Variants in SCARB1 observed in about 807,000 individuals in gnomAD.
The protein encoded by SCARB1 is CD36 and LIMPII analogous 1.
A neutral mutation model predicts 57.2 loss-of-function variants in SCARB1; 30 were observed. The ratio of observed to expected loss-of-function variants is 0.52; its 90% CI spans 0.39 to 0.71. The LOEUF is 0.71. Ranked by LOEUF, SCARB1 falls within the 30% of genes least tolerant of loss-of-function variation. SCARB1 has a pLI of 0.00. For missense variants in SCARB1, 543 were observed against 671.2 expected, an observed-to-expected ratio of 0.81 and a Z score of 2.11; for synonymous variants, 249 against 268.3, an observed-to-expected ratio of 0.93 and a Z score of 0.70.
chr12:124,788,257 G>T (rs1455226742), intron 9 of SCARB1, among the ~76,000 whole-genome samples: 1 of 152,156 alleles, frequency 6.6e-6, no homozygotes, highest in Non-Finnish European at 1.5e-5. Flanking sequence ...CTCCTACAGG[G>T]CAGAGACCAC....
Position 124,810,254 on chromosome 12 carries a change from G to A in SCARB1, c.762C>T (p.Ile254=). The part of the protein sequence containing the change: ...DFWHSDQCNM[I]NGTSGQMWPP... ...GCCACATTTGCCCAGAAGTTCCATTGATCATGTTGCACTGATCGGAATGCC... is the reference window on the plus strand; with the variant it reads ...GCCACATTTGCCCAGAAGTTCCATTAATCATGTTGCACTGATCGGAATGCC... The change falls in exon 6 of 13, where the codon ATC becomes ATT. Residue 254 remains isoleucine (I), a synonymous_variant. Transcript: ENST00000261693. This position sits in a 1 kb window ranked among gnomAD's most constrained non-coding sequence, Gnocchi z 4.0. 1 of 1,614,060 alleles carries A rather than the reference G, an allele frequency of 6.2e-7. No individual in the cohort carries two copies. Among genetic ancestry groups the A allele is most frequent in the Non-Finnish European group, 8.5e-7 (1 of 1,179,942 alleles).
At position 124,812,354 on chromosome 12, in the gene SCARB1, G is replaced by A. The variant is rs151061486; in HGVS notation, c.631-389C>T. ...GGGATGCTTTAAGGACTGTGCACAC[G>A]CCTTTCACCGGGCTCTCTGCCGCTG... is the stretch of plus-strand genomic sequence containing the variant. On this transcript the variant is annotated intron_variant, in intron 4 of 12. Coordinates refer to ENST00000261693, the MANE Select transcript of SCARB1 (RefSeq NM_005505.5). The surrounding 1 kb of genome is among the most constrained non-coding windows in gnomAD (Gnocchi z 4.3). Among the ~76,000 whole-genome samples the A allele has an allele frequency of 2.2e-4, 34 of 152,320 alleles. No individual in the cohort carries two copies. The highest frequency in any genetic ancestry group is 6.7e-4 in the African/African-American group (28 of 41,578).
chr12:124,808,178 A>G (rs886776864), intron 6 of SCARB1, among the ~76,000 whole-genome samples: 6 of 152,192 alleles, frequency 3.9e-5, no homozygotes, highest in African/African-American at 1.4e-4. Flanking sequence ...AACAGAGGCC[A>G]GGCATTATGG....
chr12:124,825,752 C>T (rs531350577), intron 1 of SCARB1, among the ~76,000 whole-genome samples: 15 of 152,172 alleles, frequency 9.9e-5, no homozygotes, highest in Non-Finnish European at 8.8e-5. Context: ...AGTGAGTAAA[C>T]GCCATCGACT....
intron 2 of SCARB1, among the ~76,000 whole-genome samples, chr12:124,816,568 C>A (rs1950724275): frequency 6.6e-6 from 1 of 152,180 alleles, no homozygotes; most frequent in African/African-American, 2.4e-5. Context: ...TTCCCAGAAC[C>A]AGACTGTGGG....
At chr12:124,813,287 CA>C in intron 4 of SCARB1, among the ~76,000 whole-genome samples, 1 of 152,202 alleles carries the variant, frequency 6.6e-6, no homozygotes, top group East Asian at 1.9e-4. Context: ...AAAGCCCCAC[CA>C]TTTTTTCCTT....
chr12:124,842,299 C>A (rs12425134), intron 1 of SCARB1, among the ~76,000 whole-genome samples: 7,100 of 152,294 alleles, frequency 0.047, 585 homozygotes, highest in East Asian at 0.24. Context: ...AATGGCCTCA[C>A]GCACTGGAGT....
chr12:124,816,670 T>G (rs1048500741), intron 2 of SCARB1, among the ~76,000 whole-genome samples: 1 of 151,512 alleles, frequency 6.6e-6, no homozygotes, highest in African/African-American at 2.4e-5. Flanking sequence ...AACTGGGAAG[T>G]GGGGGTGTGG....
At position 124,863,515 on chromosome 12, in the gene SCARB1, G is replaced by A. The variant is rs1348491395; in HGVS notation, c.126+80C>T. 1.4e-5 allele frequency: 21 copies of A among 1,485,458 alleles called. 1 individual carries two copies. In the Middle Eastern group the frequency reaches 6.9e-4, roughly 49 times the overall value. 92.0% of individuals were successfully genotyped at this position (1,485,458 alleles called of 1,614,324 possible). Reference sequence around the variant, plus strand: ...ATTCCGCTGCGGTCGCCCACCCACCGCAACGCGCGGGTCCTCCCGGCGCCC... The same window carrying A: ...ATTCCGCTGCGGTCGCCCACCCACCACAACGCGCGGGTCCTCCCGGCGCCC... On this transcript the variant is annotated intron_variant, in intron 1 of 12. Transcript: ENST00000261693.
chr12:124,809,492 C>A (rs1950446619), intron 6 of SCARB1, among the ~76,000 whole-genome samples: 1 of 152,188 alleles, frequency 6.6e-6, no homozygotes, highest in Non-Finnish European at 1.5e-5. Flanking sequence ...AAAGCACTGT[C>A]ACTCTCTGAC....
chr12:124,830,719 C>T (rs1165860541), intron 1 of SCARB1, among the ~76,000 whole-genome samples: 3 of 152,102 alleles, frequency 2.0e-5, no homozygotes, highest in Non-Finnish European at 2.9e-5. Context: ...GCGTGCATAC[C>T]TAGGTGAAAA....
At chr12:124,825,749 A>T (rs973587621) in intron 1 of SCARB1, among the ~76,000 whole-genome samples, 1 of 152,240 alleles carries the variant, frequency 6.6e-6, no homozygotes, top group African/African-American at 2.4e-5. Flanking sequence ...CACAGTGAGT[A>T]AACGCCATCG....
intron 10 of SCARB1, among the ~76,000 whole-genome samples, chr12:124,787,085 A>C (rs193158013): frequency 6.6e-6 from 1 of 152,376 alleles, no homozygotes; most frequent in East Asian, 1.9e-4. Flanking sequence ...AAAAGCTGAC[A>C]CCTTGGAAAC....
chr12:124,808,574 T>A (rs1698674782), intron 6 of SCARB1, among the ~76,000 whole-genome samples: 1 of 152,176 alleles, frequency 6.6e-6, no homozygotes, highest in Admixed American at 6.5e-5. Context: ...ACTTCAGCCC[T>A]TCAGTCAGAT....
chr12:124,781,887 G>GTATT (rs963667039), intron 12 of SCARB1, among the ~76,000 whole-genome samples: 4 of 151,906 alleles, frequency 2.6e-5, no homozygotes, highest in Non-Finnish European at 4.4e-5. Context: ...CATCCCAGAT[G>GTATT]TATTTATTTA....
Position 124,817,727 on chromosome 12 carries a change from T to C in SCARB1, c.127-20A>G, listed in dbSNP as rs201029544. 7 of 1,613,776 alleles carry C rather than the reference T, an allele frequency of 4.3e-6. No individual in the cohort carries two copies. The highest frequency in any genetic ancestry group is 1.7e-4 in the Middle Eastern group (1 of 6,060). ...CACGTTCTGCAGGGGAAGGGACAAGTACGCTTGTGAGGAGAGTGATGAGGG... is the reference window on the plus strand; with the variant it reads ...CACGTTCTGCAGGGGAAGGGACAAGCACGCTTGTGAGGAGAGTGATGAGGG... On this transcript the variant is annotated intron_variant, in intron 1 of 12. Coordinates refer to ENST00000261693, the MANE Select transcript of SCARB1 (RefSeq NM_005505.5). This position sits in a 1 kb window ranked among gnomAD's most constrained non-coding sequence, Gnocchi z 4.8.
At chr12:124,837,473 A>G (rs1381962493) in intron 1 of SCARB1, among the ~76,000 whole-genome samples, 1 of 21,538 alleles carries the variant, frequency 4.6e-5, no homozygotes, top group African/African-American at 9.7e-5. Context: ...GAAAGAAAGA[A>G]AGGAAGGAAG....
In SCARB1 at chr12:124,795,275, CAACA is replaced by C. The variant is rs776458616; in HGVS notation, c.1129-11_1129-8del. 17 of 1,612,918 alleles carry C rather than the reference CAACA, an allele frequency of 1.1e-5. No homozygotes were observed. Among genetic ancestry groups the C allele is most frequent in the Non-Finnish European group, 1.4e-5 (16 of 1,179,052 alleles). ...TCATGGGGATTCCCGTGACCTGCGGCAACAAACACAGTGAGGAGACTGGCCACCC... is the reference window on the plus strand; with the variant it reads ...TCATGGGGATTCCCGTGACCTGCGGCAACACAGTGAGGAGACTGGCCACCC... On this transcript the variant is annotated splice_polypyrimidine_tract_variant and splice_region_variant and intron_variant, in intron 8 of 12. Coordinates refer to ENST00000261693, the MANE Select transcript of SCARB1 (RefSeq NM_005505.5).
chr12:124,791,010 C>T (rs559308933), intron 9 of SCARB1, among the ~76,000 whole-genome samples: 12 of 152,342 alleles, frequency 7.9e-5, no homozygotes, highest in South Asian at 6.2e-4. Context: ...TTCTAAGGGT[C>T]TGGAATTTCA....
Sources: allele counts gnomAD v4.1 joint callset (sites outside exome capture counted in the v4.1 genomes callset), GRCh38; gene constraint gnomAD v4.1.1; non-coding constraint Gnocchi (gnomAD v3.1); transcripts MANE v1.5; gene names NCBI Gene and HGNC (gene_info 2026-07-23, HGNC 2026-07-21).